ZMYND8: variants seen among roughly 807,000 people sequenced by gnomAD.
The protein encoded by ZMYND8 is zinc finger MYND-type containing 8.
ZMYND8 carries 37 observed loss-of-function variants against 140.8 expected under a neutral mutation model. The ratio of observed to expected loss-of-function variants is 0.26; its 90% CI spans 0.20 to 0.35. The LOEUF (loss-of-function observed/expected upper bound fraction) is 0.35. ZMYND8 is among the 10% of genes least tolerant of loss of function. The pLI is 1.00. For synonymous variants in ZMYND8, 592 were observed against 597.1 expected, an observed-to-expected ratio of 0.99 and a Z score of 0.12; for missense variants, 1,068 against 1,570.0, an observed-to-expected ratio of 0.68 and a Z score of 5.40.
intron 7 of ZMYND8, among the ~76,000 whole-genome samples, chr20:47,288,553 C>T (rs1046567356): frequency 6.6e-6 from 1 of 152,002 alleles, no homozygotes; most frequent in Admixed American, 6.6e-5. Flanking sequence ...GCCACCACAC[C>T]CAACTAATTT....
At chr20:47,283,672 A>C (rs762623461) in intron 8 of ZMYND8, 24 bp from the exon 9 acceptor site, 10 of 1,609,538 alleles carry the variant, frequency 6.2e-6, no homozygotes, top group Non-Finnish European at 8.5e-6. Flanking sequence ...ATACATTAGA[A>C]TGTGTCACCC....
chr20:47,288,017 T>C (rs573515078), intron 7 of ZMYND8, among the ~76,000 whole-genome samples: 2 of 152,334 alleles, frequency 1.3e-5, no homozygotes, highest in East Asian at 3.9e-4. Context: ...GGTCTAACTC[T>C]ACACTAAACC....
At chr20:47,300,997 G>A (rs1293078883) in intron 3 of ZMYND8, among the ~76,000 whole-genome samples, 8 of 150,964 alleles carry the variant, frequency 5.3e-5, no homozygotes, top group African/African-American at 1.2e-4. Flanking sequence ...GTATTAAGAG[G>A]TTTTACTGTT....
intron 3 of ZMYND8, among the ~76,000 whole-genome samples, chr20:47,308,117 CA>C (rs1223467106): frequency 0.037 from 3,869 of 103,688 alleles, 84 homozygotes; most frequent in South Asian, 0.15. Context: ...GACTCTGTCT[CA>C]AAAAAAAAAA....
intron 2 of ZMYND8, among the ~76,000 whole-genome samples, chr20:47,323,265 C>T (rs2080122928): frequency 6.6e-6 from 1 of 151,998 alleles, no homozygotes; most frequent in Admixed American, 6.6e-5. Context: ...TTGGGGGAGA[C>T]AGGGACTCAC....
At chr20:47,325,500 A>T (rs541370222) in intron 2 of ZMYND8, among the ~76,000 whole-genome samples, 1 of 152,310 alleles carries the variant, frequency 6.6e-6, no homozygotes, top group Non-Finnish European at 1.5e-5. Flanking sequence ...GGAAGGCAGC[A>T]GGGTAGCGAA....
chr20:47,221,455 T>C lies in ZMYND8; in HGVS notation c.3276A>G (p.Glu1092=), dbSNP rs892096791. 2 of 1,613,964 alleles carry C rather than the reference T, an allele frequency of 1.2e-6. No homozygotes were observed. The highest frequency in any genetic ancestry group is 1.7e-6 in the Non-Finnish European group (2 of 1,180,026). ...CTQSATAPQQ[E]ADAEVNTETL... is the part of the protein sequence containing the mutation. Reference sequence around the variant, plus strand: ...TTTCTGTGTTCACCTCAGCATCCGCTTCCTGCTGAGGAGCAGTAGCTGGGG... The same window carrying C: ...TTTCTGTGTTCACCTCAGCATCCGCCTCCTGCTGAGGAGCAGTAGCTGGGG... Residue 1092 remains glutamate, a synonymous_variant, in exon 20 of 23, where the codon GAA becomes GAG. Transcript: ENST00000471951.
intron 2 of ZMYND8, among the ~76,000 whole-genome samples, chr20:47,330,773 CT>C (rs1238749694): frequency 6.6e-6 from 1 of 152,194 alleles, no homozygotes; most frequent in Non-Finnish European, 1.5e-5. Context: ...CGCCGAAAGG[CT>C]GCTTTTACTT....
Position 47,309,309 on chromosome 20 carries a change from A to ATT in ZMYND8, c.234+745_234+746dup, listed in dbSNP as rs530489567. Among the ~76,000 whole-genome samples, 19 of 142,818 alleles carry ATT rather than the reference A, an allele frequency of 1.3e-4. No homozygotes were observed. In the South Asian group the frequency reaches 2.2e-3, roughly 17 times the overall value. 93.7% of individuals were successfully genotyped at this position (142,818 alleles called of 152,430 possible). A position where few individuals can be genotyped will look rare whatever the true frequency, so the allele number is the denominator to read the frequency against. ...TCTTACCAAAGAACCTAAACCCTTC[A>ATT]TTTTTTTTTTTTTCTGAGATAGAGT... On this transcript the variant is annotated intron_variant, in intron 3 of 22. Transcript: ENST00000471951.
intron 7 of ZMYND8, among the ~76,000 whole-genome samples, chr20:47,289,038 G>A (rs1243140145): frequency 6.6e-6 from 1 of 152,130 alleles, no homozygotes; most frequent in Non-Finnish European, 1.5e-5. Context: ...GGAGGCAGAG[G>A]TTTCAGTGAG....
chr20:47,350,327 A>AG (rs2082667989), intron 1 of ZMYND8, among the ~76,000 whole-genome samples: 1 of 119,368 alleles, frequency 8.4e-6, no homozygotes, highest in East Asian at 2.3e-4. Flanking sequence ...CATTAAAAGG[A>AG]GAAAAAAAAA....
chr20:47,262,159 T>C lies in ZMYND8; in HGVS notation c.1621+129A>G, dbSNP rs1356109537. ...CAGATCTTTTCTCACCTTCATCCTC[T>C]GAAACTTTTGCATTTTTTGCATAGA... On this transcript the variant is annotated intron_variant, in intron 12 of 22. Transcript: ENST00000471951. The C allele has an allele frequency of 4.5e-6, 6 of 1,334,910 alleles. No homozygotes were observed. In the East Asian group the frequency reaches 1.4e-4, roughly 31 times the overall value. 82.7% of individuals were successfully genotyped at this position (1,334,910 alleles called of 1,614,324 possible). A position where few individuals can be genotyped will look rare whatever the true frequency, so the allele number is the denominator to read the frequency against.
chr20:47,318,865 G>T (rs1009505755), intron 2 of ZMYND8: 5 of 1,060,742 alleles, frequency 4.7e-6, no homozygotes, highest in Non-Finnish European at 6.4e-6. Flanking sequence ...CTCTCAACTT[G>T]GGGAAAATGG....
chr20:47,350,447 G>A (rs1360713788), intron 1 of ZMYND8, among the ~76,000 whole-genome samples: 1 of 150,354 alleles, frequency 6.7e-6, no homozygotes, highest in Non-Finnish European at 1.5e-5. Context: ...ACTGATTTCG[G>A]TTTTTTTGTG....
chr20:47,348,342 G>A (rs2082499822), intron 1 of ZMYND8: 3 of 202,564 alleles, frequency 1.5e-5, no homozygotes, highest in East Asian at 1.5e-4. Context: ...AATACTTTAG[G>A]GCAAAGAGTA....
intron 21 of ZMYND8, among the ~76,000 whole-genome samples, chr20:47,217,077 G>A (rs2036233068): frequency 6.6e-6 from 1 of 152,100 alleles, no homozygotes; most frequent in Non-Finnish European, 1.5e-5. Flanking sequence ...AAAACAGGAA[G>A]GGCCTGGGAG....
intron 18 of ZMYND8, 49 bp downstream of exon 18, chr20:47,227,154 G>A: frequency 6.3e-7 from 1 of 1,590,202 alleles, no homozygotes; most frequent in Non-Finnish European, 8.6e-7. Context: ...GTGCAAAGAA[G>A]TTCACACCCA....
chr20:47,341,308 C>G lies in ZMYND8; in HGVS notation c.85+6548G>C, dbSNP rs140539755. ...TTGGAAGGCCGAGGTGGGCAGATCA[C>G]TTGAGGTCAGGAGTTCGAGACTAGC... On this transcript the variant is annotated intron_variant, in intron 2 of 22. Coordinates refer to ENST00000471951, the MANE Select transcript of ZMYND8 (RefSeq NM_001281775.3). Among the ~76,000 whole-genome samples the G allele has an allele frequency of 3.7e-3, 560 of 151,964 alleles. 5 individuals carry two copies. The highest frequency in any genetic ancestry group is 0.013 in the African/African-American group (523 of 41,436).
intron 1 of ZMYND8, chr20:47,355,337 C>G (rs1182221648): frequency 7.2e-6 from 4 of 555,724 alleles, no homozygotes; most frequent in Non-Finnish European, 9.1e-6. Context: ...TATTTTGTTC[C>G]TGCTAATGAA....
Sources: allele counts gnomAD v4.1 joint callset (sites outside exome capture counted in the v4.1 genomes callset), GRCh38; gene constraint gnomAD v4.1.1; transcripts MANE v1.5; gene names NCBI Gene and HGNC (gene_info 2026-07-23, HGNC 2026-07-21).